Variants in BTBD9 observed in about 807,000 individuals in gnomAD.
BTBD9 encodes the protein BTB domain containing 9, also known as BTB/POZ domain-containing protein 9.
A neutral mutation model predicts 64.3 loss-of-function variants in BTBD9; 49 were observed. That is an observed-to-expected ratio of 0.76 (90% CI 0.61 to 0.97). The LOEUF (loss-of-function observed/expected upper bound fraction) is 0.97. Among genes scored for constraint, BTBD9 ranks in the 50% least tolerant of loss-of-function variants. The pLI is 0.00. For synonymous variants in BTBD9, 260 were observed against 274.7 expected, an observed-to-expected ratio of 0.95 and a Z score of 0.53; for missense variants, 598 against 762.1, an observed-to-expected ratio of 0.78 and a Z score of 2.53.
At chr6:38,461,871 G>C (rs1469378714) in intron 6 of BTBD9, among the ~76,000 whole-genome samples, 1 of 152,130 alleles carries the variant, frequency 6.6e-6, no homozygotes, top group Non-Finnish European at 1.5e-5. Context: ...CAAACTAGTA[G>C]GTATGTAGTG....
chr6:38,479,401 C>T (rs967226556), intron 6 of BTBD9, among the ~76,000 whole-genome samples: 3 of 152,070 alleles, frequency 2.0e-5, no homozygotes, highest in African/African-American at 4.8e-5. Flanking sequence ...ATCATTTCCT[C>T]AATGTTAGTA....
intron 8 of BTBD9, among the ~76,000 whole-genome samples, chr6:38,265,929 C>A (rs1764956167): frequency 6.6e-6 from 1 of 152,132 alleles, no homozygotes; most frequent in Non-Finnish European, 1.5e-5. Context: ...CACCACATTA[C>A]CAAATACATG....
In BTBD9 at chr6:38,175,070, G is replaced by C. The variant is rs748858250; in HGVS notation, c.1754C>G (p.Ser585Cys). ...DTSLAGQQLD[S>C]HALRAPSGSS... ...GCCACTAGGCGCCCGCAGCGCATGGGAGTCGAGCTGCTGACCGGCCAGGCT... is the reference window on the plus strand; with the variant it reads ...GCCACTAGGCGCCCGCAGCGCATGGCAGTCGAGCTGCTGACCGGCCAGGCT... Residue 585 changes from serine to cysteine, a missense_variant, in exon 11 of 11, where the codon TCC becomes TGC. Physicochemically the swap from Ser to Cys is moderately radical, Grantham distance 112 (BLOSUM62 -1). Coordinates refer to ENST00000481247, the MANE Select transcript of BTBD9 (RefSeq NM_001099272.2). The C allele has an allele frequency of 6.2e-7, 1 of 1,614,250 alleles. No individual in the cohort carries two copies. Among genetic ancestry groups the C allele is most frequent in the Non-Finnish European group, 8.5e-7 (1 of 1,180,056 alleles).
chr6:38,612,432 A>T (rs1294870785), intron 1 of BTBD9, among the ~76,000 whole-genome samples: 1 of 152,234 alleles, frequency 6.6e-6, no homozygotes, highest in African/African-American at 2.4e-5. Flanking sequence ...TGTAACTTAG[A>T]GATCATAGGC....
intron 6 of BTBD9, among the ~76,000 whole-genome samples, chr6:38,387,997 C>T (rs1270130187): frequency 6.6e-6 from 1 of 152,170 alleles, no homozygotes; most frequent in Admixed American, 6.5e-5. Context: ...ATTCTACCTT[C>T]TCAGATACCC....
Position 38,236,891 on chromosome 6 carries a change from G to A in BTBD9, c.1562+19518C>T, listed in dbSNP as rs533072473. Among the ~76,000 whole-genome samples, 9 of 152,308 alleles carry A rather than the reference G, an allele frequency of 5.9e-5. 1 individual carries two copies. The South Asian group carries it at 1.0e-3, about 18-fold the overall frequency. ...CCACAGTCATTGAATGTTGTGTCCA[G>A]GTTCAGATCTGGGAAACAAAGAACT... is the stretch of plus-strand genomic sequence containing the variant. On this transcript the variant is annotated intron_variant, in intron 9 of 10. Transcript: ENST00000481247.
intron 6 of BTBD9, among the ~76,000 whole-genome samples, chr6:38,541,532 A>G (rs899748149): frequency 2.6e-5 from 4 of 152,106 alleles, no homozygotes; most frequent in Non-Finnish European, 5.9e-5. Context: ...AGGTCAGGAG[A>G]TGGAGACCAT....
chr6:38,326,605 G>A (rs1269308229), intron 7 of BTBD9, among the ~76,000 whole-genome samples: 1 of 152,100 alleles, frequency 6.6e-6, no homozygotes, highest in Non-Finnish European at 1.5e-5. Flanking sequence ...TTGGAATATA[G>A]TATCAATATA....
chr6:38,216,131 G>C (rs772988017), intron 9 of BTBD9, among the ~76,000 whole-genome samples: 15 of 152,172 alleles, frequency 9.9e-5, no homozygotes, highest in Non-Finnish European at 2.1e-4. Flanking sequence ...ACATCACAAA[G>C]GGGAAACACA....
intron 6 of BTBD9, among the ~76,000 whole-genome samples, chr6:38,552,438 G>A (rs1051596831): frequency 7.2e-5 from 11 of 152,088 alleles, no homozygotes; most frequent in Non-Finnish European, 1.5e-4. Context: ...ATACTCTCAA[G>A]AAGAAGAGTA....
At chr6:38,470,272 C>G (rs1171590550) in intron 6 of BTBD9, among the ~76,000 whole-genome samples, 1 of 152,196 alleles carries the variant, frequency 6.6e-6, no homozygotes, top group East Asian at 1.9e-4. Context: ...AGTGGAGAAC[C>G]TAGCCATGAA....
chr6:38,303,949 G>A (rs1390209917), intron 7 of BTBD9, among the ~76,000 whole-genome samples: 1 of 139,110 alleles, frequency 7.2e-6, no homozygotes, highest in Non-Finnish European at 1.5e-5. Flanking sequence ...GTGTGTGTGT[G>A]TGTATATATA....
Position 38,638,006 on chromosome 6 carries a change from G to T in BTBD9, c.-28+1794C>A, listed in dbSNP as rs556297075. The stretch of plus-strand genomic sequence containing the variant: ...TCTCCAGTATTCCCCTATAAGAGAC[G>T]TTCCGCTCCAGTTACCAGACATAAA... On this transcript the variant is annotated intron_variant, in intron 1 of 10. Transcript: ENST00000481247. Among the ~76,000 whole-genome samples, 14 of 152,266 alleles carry T rather than the reference G, an allele frequency of 9.2e-5. 1 individual carries two copies. Among genetic ancestry groups the T allele is most frequent in the Admixed American group, 9.2e-4 (14 of 15,286 alleles).
rs116216297 is a variant in BTBD9, at chr6:38,277,999, T to G, written c.1454+10273A>C. Among the ~76,000 whole-genome samples, 1,489 of 152,322 alleles carry G rather than the reference T, an allele frequency of 9.8e-3. 8 individuals carry two copies. Among genetic ancestry groups the G allele is most frequent in the Non-Finnish European group, 0.016 (1,097 of 68,028 alleles). ...TGCTAGGGCTGACCGTATGACATAG[T>G]TCTACCTAATAATTCTAAGTGAAAG... On this transcript the variant is annotated intron_variant, in intron 8 of 10. Transcript: ENST00000481247.
chr6:38,440,616 T>A (rs1449179109), intron 6 of BTBD9, among the ~76,000 whole-genome samples: 3 of 152,224 alleles, frequency 2.0e-5, no homozygotes, highest in Non-Finnish European at 1.5e-5. Flanking sequence ...TCAAGTCCCT[T>A]ACAATTGTAA....
chr6:38,351,510 T>G (rs566754377), intron 6 of BTBD9, among the ~76,000 whole-genome samples: 7 of 139,346 alleles, frequency 5.0e-5, no homozygotes, highest in African/African-American at 5.3e-5. Context: ...TGTTGTTGTT[T>G]TTTTTTTTTT....
At chr6:38,547,459 T>A (rs1184520027) in intron 6 of BTBD9, among the ~76,000 whole-genome samples, 1 of 152,032 alleles carries the variant, frequency 6.6e-6, no homozygotes, top group African/African-American at 2.4e-5. Flanking sequence ...AATATAAACC[T>A]GCTAAAACAA....
At chr6:38,471,296 C>G (rs563902716) in intron 6 of BTBD9, among the ~76,000 whole-genome samples, 6 of 152,122 alleles carry the variant, frequency 3.9e-5, no homozygotes, top group Non-Finnish European at 7.3e-5. Context: ...TAACAAGTAG[C>G]AACTTTGGGT....
chr6:38,414,671 A>G (rs1409300026), intron 6 of BTBD9, among the ~76,000 whole-genome samples: 2 of 151,984 alleles, frequency 1.3e-5, no homozygotes, highest in African/African-American at 4.8e-5. Flanking sequence ...GCTGACTGCT[A>G]TGCACTCTTA....
Sources: allele counts gnomAD v4.1 joint callset (sites outside exome capture counted in the v4.1 genomes callset), GRCh38; gene constraint gnomAD v4.1.1; transcripts MANE v1.5; gene names NCBI Gene and HGNC (gene_info 2026-07-23, HGNC 2026-07-21).